Variants in CTNNA1 observed in about 807,000 individuals in gnomAD.
CTNNA1 encodes catenin alpha 1.
A neutral mutation model predicts 98.4 loss-of-function variants in CTNNA1; 37 were observed. The ratio of observed to expected loss-of-function variants is 0.38; its 90% confidence interval spans 0.29 to 0.49. The LOEUF (loss-of-function observed/expected upper bound fraction) is 0.49. CTNNA1 is among the 20% of genes least tolerant of loss of function. The pLI is 0.95. For missense variants in CTNNA1, 761 were observed against 1,147.2 expected (o/e 0.66, Z 4.86); for synonymous variants, 404 against 413.2 (o/e 0.98, Z 0.27).
At chr5:138,840,387 T>C (rs1762172202) in intron 7 of CTNNA1, among the ~76,000 whole-genome samples, 1 of 152,200 alleles carries the variant, frequency 6.6e-6, no homozygotes, top group South Asian at 2.1e-4. Context: ...TCTCTCCCTC[T>C]CCTCTCGTGT....
At chr5:138,765,288 G>A (rs552379254) in intron 1 of CTNNA1, among the ~76,000 whole-genome samples, 1 of 152,126 alleles carries the variant, frequency 6.6e-6, no homozygotes, top group African/African-American at 2.4e-5. Flanking sequence ...TGATCCGCCC[G>A]CCTCGGCCTC....
At position 138,753,458 on chromosome 5, in the gene CTNNA1, G is replaced by C. The variant is rs1359472497; in HGVS notation, c.-55G>C. On this transcript the variant is annotated 5_prime_UTR_variant, in exon 1 of 18. Transcript: ENST00000302763. Reference sequence around the variant, plus strand: ...AGCCGGACTGGAGGGAGACAAAGCAGCGCCCGTCTGCTTCGGGCCTCTGGA... The same window carrying C: ...AGCCGGACTGGAGGGAGACAAAGCACCGCCCGTCTGCTTCGGGCCTCTGGA... The C allele has an allele frequency of 5.3e-6, 2 of 377,216 alleles. No individual in the cohort carries two copies. The highest frequency in any genetic ancestry group is 4.6e-5 in the Admixed American group (1 of 21,860). 23.4% of individuals were successfully genotyped at this position (377,216 alleles called of 1,614,324 possible).
At chr5:138,819,793 T>G (rs914784865) in intron 5 of CTNNA1, among the ~76,000 whole-genome samples, 36 of 145,046 alleles carry the variant, frequency 2.5e-4, no homozygotes, top group South Asian at 1.5e-3. Flanking sequence ...CCAAATCTCG[T>G]GTCTAATTGT....
intron 9 of CTNNA1, among the ~76,000 whole-genome samples, chr5:138,902,703 G>T (rs1758335141): frequency 6.6e-6 from 1 of 152,320 alleles, no homozygotes; most frequent in Non-Finnish European, 1.5e-5. Context: ...ACAGGCATGA[G>T]CCACCGTGCC....
intron 1 of CTNNA1, among the ~76,000 whole-genome samples, chr5:138,769,137 C>T (rs1349490215): frequency 2.0e-5 from 3 of 152,032 alleles, no homozygotes; most frequent in Non-Finnish European, 4.4e-5. Context: ...AAGTGATCCT[C>T]CCGCCTTGGC....
chr5:138,929,150 T>C (rs550868131), intron 13 of CTNNA1, 96 bp from the exon 14 acceptor site: 291 of 780,464 alleles, frequency 3.7e-4, no homozygotes, highest in South Asian at 1.5e-3. Flanking sequence ...AAATCCAGAA[T>C]TCTGGGCCTC....
At chr5:138,798,594 C>A (rs1246617589) in intron 3 of CTNNA1, among the ~76,000 whole-genome samples, 1 of 152,116 alleles carries the variant, frequency 6.6e-6, no homozygotes, top group Non-Finnish European at 1.5e-5. Context: ...ATATTTGATG[C>A]TTCAAAAACT....
At chr5:138,814,648 T>C (rs139752862) in intron 5 of CTNNA1, among the ~76,000 whole-genome samples, 10 of 152,362 alleles carry the variant, frequency 6.6e-5, no homozygotes, top group East Asian at 1.9e-4. Context: ...TAAAACGTAG[T>C]CTGAGCTTGG....
At chr5:138,791,910 G>A (rs1231830791) in intron 3 of CTNNA1, among the ~76,000 whole-genome samples, 1 of 148,000 alleles carries the variant, frequency 6.8e-6, no homozygotes, top group African/African-American at 2.5e-5. Flanking sequence ...ATGCAGGTTT[G>A]TTACATATGT....
intron 9 of CTNNA1, among the ~76,000 whole-genome samples, chr5:138,888,359 A>G (rs288023): frequency 0.32 from 48,670 of 152,076 alleles, 8,035 homozygotes; most frequent in African/African-American, 0.41. Context: ...GAAATGGGAC[A>G]CAAAATAAGC....
At chr5:138,898,047 T>TG (rs1757261450) in intron 9 of CTNNA1, among the ~76,000 whole-genome samples, 1 of 152,164 alleles carries the variant, frequency 6.6e-6, no homozygotes, top group African/African-American at 2.4e-5. Context: ...AGGGACCTGG[T>TG]GGGAGGTGTT....
intron 5 of CTNNA1, among the ~76,000 whole-genome samples, chr5:138,812,717 CTT>C (rs939137027): frequency 6.6e-6 from 1 of 152,158 alleles, no homozygotes; most frequent in African/African-American, 2.4e-5. Flanking sequence ...AGCCCCGTGT[CTT>C]GTTACTTTTT....
chr5:138,793,927 T>G (rs1367467676), intron 3 of CTNNA1, among the ~76,000 whole-genome samples: 1 of 151,962 alleles, frequency 6.6e-6, no homozygotes, highest in Non-Finnish European at 1.5e-5. Context: ...GGGGGGGAAG[T>G]TAAGAGGTTT....
chr5:138,860,701 GC>G (rs1397486732), intron 7 of CTNNA1, among the ~76,000 whole-genome samples: 2 of 152,110 alleles, frequency 1.3e-5, no homozygotes, highest in East Asian at 3.9e-4. Flanking sequence ...TCACCGTGTT[GC>G]CCCGGCTGGT....
chr5:138,819,221 G>A (rs1045476004), intron 5 of CTNNA1, among the ~76,000 whole-genome samples: 1 of 152,136 alleles, frequency 6.6e-6, no homozygotes, highest in African/African-American at 2.4e-5. Flanking sequence ...CCGGATGGTG[G>A]AGCTTGGCAG....
chr5:138,932,871 T>C, intron 17 of CTNNA1, 159 bp downstream of exon 17: 1 of 932,582 alleles, frequency 1.1e-6, no homozygotes, highest in South Asian at 1.3e-5. Context: ...GGTCTGTCCA[T>C]CATCTGTTCC....
At chr5:138,845,349 A>G (rs1762614124) in intron 7 of CTNNA1, among the ~76,000 whole-genome samples, 1 of 152,102 alleles carries the variant, frequency 6.6e-6, no homozygotes, top group Admixed American at 6.5e-5. Flanking sequence ...GTGAATCAAC[A>G]GTTTTAGGGG....
chr5:138,834,293 C>T (rs1204455169), intron 7 of CTNNA1, among the ~76,000 whole-genome samples: 2 of 152,092 alleles, frequency 1.3e-5, no homozygotes, highest in Admixed American at 1.3e-4. Flanking sequence ...TATATATTGT[C>T]CATAATCCCA....
chr5:138,912,580 T>C (rs1760877676), intron 10 of CTNNA1, among the ~76,000 whole-genome samples: 1 of 152,214 alleles, frequency 6.6e-6, no homozygotes, highest in Non-Finnish European at 1.5e-5. Flanking sequence ...AAAAACTGAA[T>C]GCTTTCCCTG....
Sources: allele counts gnomAD v4.1 joint callset (sites outside exome capture counted in the v4.1 genomes callset), GRCh38; gene constraint gnomAD v4.1.1; transcripts MANE v1.5; gene names NCBI Gene and HGNC (gene_info 2026-07-23, HGNC 2026-07-21).